Variants in WNT3 observed in about 807,000 individuals in gnomAD.
The protein encoded by WNT3 is proto-oncogene Wnt-3.
A neutral mutation model predicts 34.2 loss-of-function variants in WNT3; 7 were observed. The ratio of observed to expected loss-of-function variants is 0.20; its 90% CI spans 0.12 to 0.38. The LOEUF (loss-of-function observed/expected upper bound fraction) is 0.38, where lower values mean the gene tolerates loss of function less well. Among genes scored for constraint, WNT3 ranks in the 10% least tolerant of loss-of-function variants. The probability of loss-of-function intolerance (pLI) is 1.00; values close to 1 mark genes in which losing one functional copy is unlikely to be tolerated. For missense variants in WNT3, 267 were observed against 499.8 expected, an observed-to-expected ratio of 0.53 and a Z score of 4.44; for synonymous variants, 212 against 211.5, an observed-to-expected ratio of 1.00 and a Z score of -0.02.
chr17:46,777,633 T>A (rs780784257), intron 1 of WNT3, among the ~76,000 whole-genome samples: 8 of 152,238 alleles, frequency 5.3e-5, no homozygotes, highest in Non-Finnish European at 1.2e-4. Flanking sequence ...ATGACAACTA[T>A]TTATGTAGCA....
Position 46,769,315 on chromosome 17 carries a change from C to CA in WNT3, c.588+467dup, listed in dbSNP as rs60504646. ...TGGGCGACTGAGCGAGACTCCGTCTCAAAAAAAAAAAAAAAAAGAAAAGAA... is the reference window on the plus strand; with the variant it reads ...TGGGCGACTGAGCGAGACTCCGTCTCAAAAAAAAAAAAAAAAAAGAAAAGAA... On this transcript the variant is annotated intron_variant, in intron 3 of 4. Coordinates refer to ENST00000225512, the MANE Select transcript of WNT3 (RefSeq NM_030753.5). 8.0e-3 allele frequency among the ~76,000 whole-genome samples: 817 copies of CA among 102,636 alleles called. 10 individuals are homozygous for CA. Among genetic ancestry groups the CA allele is most frequent in the African/African-American group, 0.018 (506 of 27,766 alleles). The allele number at this position is 102,636 out of a possible 152,430, so 67.3% of individuals were successfully genotyped here.
At chr17:46,794,375 C>T (rs1268001671) in intron 1 of WNT3, among the ~76,000 whole-genome samples, 1 of 152,136 alleles carries the variant, frequency 6.6e-6, no homozygotes, top group African/African-American at 2.4e-5. Context: ...AAGCCCAGGC[C>T]CTATATGCAG....
chr17:46,801,238 G>C (rs150609575), intron 1 of WNT3, among the ~76,000 whole-genome samples: 1 of 152,186 alleles, frequency 6.6e-6, no homozygotes, highest in East Asian at 1.9e-4. Context: ...GGAGAGGAGC[G>C]GGTGCAGGGC....
chr17:46,800,632 T>TC (rs2084112878), intron 1 of WNT3, among the ~76,000 whole-genome samples: 1 of 152,176 alleles, frequency 6.6e-6, no homozygotes, highest in Non-Finnish European at 1.5e-5. Flanking sequence ...GCAATGAGAA[T>TC]CCAGCTGGAG....
intron 1 of WNT3, among the ~76,000 whole-genome samples, chr17:46,805,755 C>A (rs536139567): frequency 5.9e-5 from 9 of 152,174 alleles, no homozygotes; most frequent in Admixed American, 2.0e-4. Flanking sequence ...TGTCTCAAAC[C>A]AAACCAAACT....
chr17:46,818,683 G>T lies in WNT3; in HGVS notation c.-86C>A. 2 of 1,289,820 alleles carry T rather than the reference G, an allele frequency of 1.6e-6. No homozygotes were observed. The highest frequency in any genetic ancestry group is 1.1e-6 in the Non-Finnish European group (1 of 908,866). 79.9% of individuals were successfully genotyped at this position (1,289,820 alleles called of 1,614,324 possible). A position where few individuals can be genotyped will look rare whatever the true frequency, so the allele number is the denominator to read the frequency against. ...AATAGTTGGAACAAAGTCCACTTGA[G>T]ATTGGAAATGACTTTCGGGCTTGTC... is the stretch of plus-strand genomic sequence containing the variant. On this transcript the variant is annotated 5_prime_UTR_variant, in exon 1 of 5. Coordinates refer to ENST00000225512, the MANE Select transcript of WNT3 (RefSeq NM_030753.5).
In WNT3 at chr17:46,764,550, G is replaced by C. The variant is rs577096848; in HGVS notation, c.*80C>G. ...CTGTCTGACGCTGAGGGCTGTGCCC[G>C]GCTCTAGGTCCTGCTTCCCATGAGA... is the stretch of plus-strand genomic sequence containing the variant. On this transcript the variant is annotated 3_prime_UTR_variant, in exon 5 of 5. Coordinates refer to ENST00000225512, the MANE Select transcript of WNT3 (RefSeq NM_030753.5). 1.3e-5 allele frequency: 2 copies of C among 152,244 alleles called. No individual in the cohort carries two copies. Among genetic ancestry groups the C allele is most frequent in the Non-Finnish European group, 1.5e-5 (1 of 68,064 alleles). The allele number at this position is 152,244 out of a possible 1,614,324, so 9.4% of individuals were successfully genotyped here. A position where few individuals can be genotyped will look rare whatever the true frequency, so the allele number is the denominator to read the frequency against.
chr17:46,782,306 G>T (rs1168084036), intron 1 of WNT3, among the ~76,000 whole-genome samples: 2 of 152,220 alleles, frequency 1.3e-5, no homozygotes, highest in African/African-American at 4.8e-5. Flanking sequence ...AGGAGGGAAG[G>T]TGAGGAGAAG....
At chr17:46,770,767 G>T (rs921907931) in intron 2 of WNT3, among the ~76,000 whole-genome samples, 4 of 152,164 alleles carry the variant, frequency 2.6e-5, no homozygotes, top group African/African-American at 7.2e-5. Context: ...TCCAGCGCAG[G>T]GAAAGGAGAG....
intron 1 of WNT3, among the ~76,000 whole-genome samples, chr17:46,790,563 C>T (rs1482846014): frequency 3.3e-5 from 5 of 152,188 alleles, no homozygotes; most frequent in African/African-American, 9.6e-5. Context: ...CTCTGCCCTC[C>T]CCCTGGGCCC....
intron 3 of WNT3, 119 bp downstream of exon 3, chr17:46,769,664 G>A: frequency 1.4e-6 from 2 of 1,398,534 alleles, no homozygotes; most frequent in East Asian, 2.4e-5. Flanking sequence ...CTGGCCAAGG[G>A]GAAAAGGAGC....
chr17:46,777,939 AGCCATGGTGCCAGGGT>A (rs2059425571), intron 1 of WNT3, among the ~76,000 whole-genome samples: 1 of 152,124 alleles, frequency 6.6e-6, no homozygotes, highest in Non-Finnish European at 1.5e-5. Flanking sequence ...TGGACCTGGG[AGCCATGGTGCCAGGGT>A]CCCATCCAGC....
chr17:46,809,309 C>T (rs1013552595), intron 1 of WNT3, among the ~76,000 whole-genome samples: 3 of 152,178 alleles, frequency 2.0e-5, no homozygotes, highest in African/African-American at 7.2e-5. Context: ...ACTCACAGCA[C>T]AAGCCCTATT....
chr17:46,779,701 GC>G (rs2059443893), intron 1 of WNT3, among the ~76,000 whole-genome samples: 1 of 152,194 alleles, frequency 6.6e-6, no homozygotes, highest in South Asian at 2.1e-4. Context: ...CCCTGATAAC[GC>G]CTGCTGTGGC....
rs745583616 is a variant in WNT3, at chr17:46,818,516, AC to A, written c.80+1del. On this transcript the variant is annotated splice_donor_variant, in intron 1 of 4. Coordinates refer to ENST00000225512, the MANE Select transcript of WNT3 (RefSeq NM_030753.5). LOFTEE classifies it high-confidence loss of function. ...CGCGGGCAGACAAGAGGCGAGTCTT[AC>A]CACCAAATTGGGTAGCCAGCGAGGA... 6.2e-7 allele frequency: 1 copy of A among 1,605,880 alleles called. No individual in the cohort carries two copies. The highest frequency in any genetic ancestry group is 8.5e-7 in the Non-Finnish European group (1 of 1,177,320).
intron 1 of WNT3, among the ~76,000 whole-genome samples, chr17:46,791,269 A>G (rs1232892002): frequency 5.9e-5 from 9 of 151,424 alleles, no homozygotes. Flanking sequence ...GCTGTAGTGC[A>G]GTGGCGTGAT....
chr17:46,767,565 A>C (rs2059324775), intron 4 of WNT3, among the ~76,000 whole-genome samples: 1 of 152,174 alleles, frequency 6.6e-6, no homozygotes, highest in Non-Finnish European at 1.5e-5. Context: ...TTATAGTAAG[A>C]AAGCTGAGGC....
At chr17:46,812,006 G>A (rs1269806106) in intron 1 of WNT3, among the ~76,000 whole-genome samples, 2 of 152,226 alleles carry the variant, frequency 1.3e-5, no homozygotes, top group East Asian at 3.9e-4. Context: ...AGGTGCCTTA[G>A]CTATTCCGCT....
At chr17:46,783,216 G>C (rs1362879809) in intron 1 of WNT3, among the ~76,000 whole-genome samples, 1 of 152,220 alleles carries the variant, frequency 6.6e-6, no homozygotes, top group African/African-American at 2.4e-5. Context: ...AAGGTCTTGA[G>C]ATAAAACCAT....
Sources: allele counts gnomAD v4.1 joint callset (sites outside exome capture counted in the v4.1 genomes callset), GRCh38; gene constraint gnomAD v4.1.1; transcripts MANE v1.5; gene names NCBI Gene and HGNC (gene_info 2026-07-23, HGNC 2026-07-21).